The following LRMDA variants were observed in gnomAD, a reference collection of about 807,000 sequenced individuals.
The protein encoded by LRMDA is leucine rich melanocyte differentiation associated.
A neutral mutation model predicts 29.8 loss-of-function variants in LRMDA; 18 were observed. That is an observed-to-expected ratio of 0.60 (90% confidence interval 0.42 to 0.90). The LOEUF is 0.90. Among genes scored for constraint, LRMDA ranks in the 40% least tolerant of loss-of-function variants. The probability of loss-of-function intolerance (pLI) is 0.00; values close to 1 mark genes in which losing one functional copy is unlikely to be tolerated. For missense variants in LRMDA, 273 were observed against 273.9 expected, an observed-to-expected ratio of 1.00 and a Z score of 0.02; for synonymous variants, 125 against 109.4, an observed-to-expected ratio of 1.14 and a Z score of -0.89.
chr10:76,288,328 C>A (rs1232347375), intron 5 of LRMDA, among the ~76,000 whole-genome samples: 1 of 152,120 alleles, frequency 6.6e-6, no homozygotes, highest in Non-Finnish European at 1.5e-5. Context: ...ATAAAAGACA[C>A]ATGCACGTGT....
intron 6 of LRMDA, among the ~76,000 whole-genome samples, chr10:76,465,343 T>A (rs1842553782): frequency 6.6e-6 from 1 of 152,170 alleles, no homozygotes; most frequent in African/African-American, 2.4e-5. Flanking sequence ...AAGACCTGTG[T>A]GTGTCATTTC....
intron 2 of LRMDA, among the ~76,000 whole-genome samples, chr10:76,002,131 G>T (rs565584548): frequency 1.3e-5 from 2 of 152,292 alleles, no homozygotes; most frequent in African/African-American, 4.8e-5. Context: ...CCAGCTTGCA[G>T]ATGGCTGCTT....
At chr10:76,262,588 C>T (rs1839958154) in intron 5 of LRMDA, among the ~76,000 whole-genome samples, 1 of 152,186 alleles carries the variant, frequency 6.6e-6, no homozygotes, top group Non-Finnish European at 1.5e-5. Flanking sequence ...GTGTTCGGCA[C>T]CTACATCTTC....
intron 2 of LRMDA, among the ~76,000 whole-genome samples, chr10:75,687,941 A>G (rs529646878): frequency 7.2e-4 from 110 of 152,162 alleles, no homozygotes; most frequent in African/African-American, 2.5e-3. Context: ...TCTGTTTACA[A>G]CATGGTTTAC....
chr10:76,111,100 C>G (rs954031810), intron 5 of LRMDA, among the ~76,000 whole-genome samples: 1 of 152,198 alleles, frequency 6.6e-6, no homozygotes, highest in African/African-American at 2.4e-5. Context: ...CTTTGTCCTT[C>G]TCATCCTCCA....
intron 5 of LRMDA, among the ~76,000 whole-genome samples, chr10:76,309,197 G>A (rs574626189): frequency 6.6e-6 from 1 of 152,258 alleles, no homozygotes; most frequent in Non-Finnish European, 1.5e-5. Context: ...TTAATCTTCT[G>A]AGGAAGAATG....
At chr10:76,505,329 T>A (rs1457929144) in intron 6 of LRMDA, among the ~76,000 whole-genome samples, 1 of 152,100 alleles carries the variant, frequency 6.6e-6, no homozygotes, top group Non-Finnish European at 1.5e-5. Context: ...TTCTTGGTAT[T>A]TCTTGAATTT....
At chr10:76,455,426 T>A (rs1236250024) in intron 6 of LRMDA, among the ~76,000 whole-genome samples, 1 of 152,132 alleles carries the variant, frequency 6.6e-6, no homozygotes, top group African/African-American at 2.4e-5. Flanking sequence ...AGAGTATGCA[T>A]CGATGCTAAT....
At chr10:76,351,102 C>A (rs767400806) in intron 6 of LRMDA, among the ~76,000 whole-genome samples, 21 of 152,048 alleles carry the variant, frequency 1.4e-4, no homozygotes, top group Non-Finnish European at 2.6e-4. Flanking sequence ...TAGTCAAAGG[C>A]AATTTAGTGT....
intron 2 of LRMDA, among the ~76,000 whole-genome samples, chr10:75,730,900 T>C (rs1297717736): frequency 6.6e-6 from 1 of 152,240 alleles, no homozygotes; most frequent in Non-Finnish European, 1.5e-5. Flanking sequence ...CCACCTTTGC[T>C]CATACTAATC....
rs188682921 is a variant in LRMDA at position 76,451,258 on chromosome 10, G to A, written c.602-105951G>A. 3.3e-3 allele frequency among the ~76,000 whole-genome samples: 494 copies of A among 151,936 alleles called. 3 individuals are homozygous for A. The highest frequency in any genetic ancestry group is 5.3e-3 in the Non-Finnish European group (360 of 67,936). On this transcript the variant is annotated intron_variant, in intron 6 of 6. Transcript: ENST00000611255. ...GCTCTATCGCCCAGGCTGGAGTGCA[G>A]TGGTGTGATCTCGGCTCACTGCAAG...
intron 6 of LRMDA, among the ~76,000 whole-genome samples, chr10:76,542,004 C>T (rs1319037088): frequency 1.3e-5 from 2 of 151,980 alleles, no homozygotes; most frequent in African/African-American, 2.4e-5. Flanking sequence ...TCCAGATGCT[C>T]CTGCATGCAT....
At chr10:76,237,842 A>G (rs1443307696) in intron 5 of LRMDA, among the ~76,000 whole-genome samples, 1 of 122,858 alleles carries the variant, frequency 8.1e-6, no homozygotes, top group Non-Finnish European at 1.6e-5. Context: ...CCCAGGCTGG[A>G]GTGCAATGAT....
At chr10:75,745,436 A>G (rs1332659798) in intron 2 of LRMDA, among the ~76,000 whole-genome samples, 4 of 152,308 alleles carry the variant, frequency 2.6e-5, no homozygotes, top group Non-Finnish European at 4.4e-5. Context: ...GTCATTCTAC[A>G]TTACAGCAAC....
At chr10:76,230,782 C>T (rs1852044921) in intron 5 of LRMDA, among the ~76,000 whole-genome samples, 1 of 152,132 alleles carries the variant, frequency 6.6e-6, no homozygotes, top group South Asian at 2.1e-4. Context: ...ATCTCCCATA[C>T]ATTGTAATGA....
intron 3 of LRMDA, among the ~76,000 whole-genome samples, chr10:76,042,055 A>T (rs2132035739): frequency 6.6e-6 from 1 of 152,338 alleles, no homozygotes; most frequent in East Asian, 1.9e-4. Flanking sequence ...GAGAAGTTCT[A>T]TGTTGGATCT....
intron 5 of LRMDA, among the ~76,000 whole-genome samples, chr10:76,299,981 A>T (rs1840460911): frequency 6.6e-6 from 1 of 152,218 alleles, no homozygotes; most frequent in African/African-American, 2.4e-5. Flanking sequence ...TCTCTAAAGA[A>T]ATGAGAGAAA....
intron 2 of LRMDA, among the ~76,000 whole-genome samples, chr10:75,595,709 A>T (rs1381673691): frequency 6.6e-6 from 1 of 151,662 alleles, no homozygotes; most frequent in Non-Finnish European, 1.5e-5. Context: ...CTTTTAAATT[A>T]ATATATATAT....
At chr10:76,540,054 A>T (rs1233054270) in intron 6 of LRMDA, among the ~76,000 whole-genome samples, 1 of 152,148 alleles carries the variant, frequency 6.6e-6, no homozygotes, top group African/African-American at 2.4e-5. Flanking sequence ...CACGAAGTAG[A>T]CACACAACAT....
Sources: gnomAD v4.1 joint callset for allele counts (sites outside exome capture counted in the v4.1 genomes callset) on GRCh38, gnomAD v4.1.1 for gene constraint, MANE v1.5 for transcripts, NCBI Gene and HGNC (gene_info 2026-07-23, HGNC 2026-07-21) for gene names.